The following GPATCH2L variants were observed in gnomAD, a reference collection of about 807,000 sequenced individuals.
GPATCH2L encodes G patch domain-containing protein 2-like.
A neutral mutation model predicts 57.4 loss-of-function variants in GPATCH2L; 31 were observed. The ratio of observed to expected loss-of-function variants is 0.54; its 90% CI spans 0.41 to 0.73. The LOEUF is 0.73. Ranked by LOEUF, GPATCH2L falls within the 30% of genes least tolerant of loss-of-function variation. The pLI, the probability that GPATCH2L is intolerant of heterozygous loss-of-function variation, is 0.00. For missense variants in GPATCH2L, 481 were observed against 599.9 expected (o/e 0.80, Z 2.07); for synonymous variants, 199 against 210.7 (o/e 0.94, Z 0.48).
intron 5 of GPATCH2L, chr14:76,173,837 C>CAA: frequency 2.0e-5 from 8 of 410,216 alleles, no homozygotes; most frequent in South Asian, 5.7e-5. Context: ...GAAGTACTGA[C>CAA]AAAAAAAAAA....
intron 2 of GPATCH2L, among the ~76,000 whole-genome samples, chr14:76,156,235 C>G (rs1245549000): frequency 6.6e-6 from 1 of 152,156 alleles, no homozygotes; most frequent in East Asian, 1.9e-4. Context: ...ATTTAACTTT[C>G]CCAACTGTAG....
chr14:76,168,887 G>C (rs1450666356), intron 3 of GPATCH2L, among the ~76,000 whole-genome samples: 1 of 152,202 alleles, frequency 6.6e-6, no homozygotes, highest in African/African-American at 2.4e-5. Context: ...CTTTTCTGTT[G>C]GATTGCTGGT....
In GPATCH2L at chr14:76,154,514, T is replaced by C. The variant is rs776580028; in HGVS notation, c.151T>C (p.Phe51Leu). 7 of 1,614,164 alleles carry C rather than the reference T, an allele frequency of 4.3e-6. No homozygotes were observed. In the South Asian group the frequency reaches 5.5e-5, roughly 13 times the overall value. The part of the protein sequence containing the change: ...KRRGRKRRSD[F>L]THLAEHTCCY... ...CCGAGGTCGGAAGCGTCGTTCTGAC[T>C]TCACTCACCTGGCAGAGCATACCTG... The change falls in exon 2 of 10, where the codon TTC becomes CTC. Residue 51 changes from phenylalanine (F) to leucine (L), a missense_variant. This residue lies in a region of GPATCH2L where 208 missense variants were observed against 272.4 expected (regional missense o/e 0.76). Transcript: ENST00000261530. The surrounding 1 kb of genome is among the most constrained non-coding windows in gnomAD (Gnocchi z 4.4).
At chr14:76,162,864 G>T (rs2038660526) in intron 2 of GPATCH2L, among the ~76,000 whole-genome samples, 1 of 152,142 alleles carries the variant, frequency 6.6e-6, no homozygotes, top group Non-Finnish European at 1.5e-5. Context: ...TTTTCTTAGG[G>T]TTCAGCATAT....
intron 2 of GPATCH2L, among the ~76,000 whole-genome samples, chr14:76,232,084 G>T (rs912388165): frequency 2.6e-4 from 3 of 11,378 alleles, no homozygotes; most frequent in African/African-American, 4.6e-4. Context: ...GCTAATTTTT[G>T]TATTTTTTGT....
chr14:76,173,122 C>T (rs866976382), intron 4 of GPATCH2L, among the ~76,000 whole-genome samples: 7 of 152,108 alleles, frequency 4.6e-5, no homozygotes, highest in South Asian at 2.1e-4. Context: ...ATTGGGTTAT[C>T]CGACACGTGC....
At chr14:76,191,293 G>C (rs2039953802) in intron 8 of GPATCH2L, among the ~76,000 whole-genome samples, 1 of 152,068 alleles carries the variant, frequency 6.6e-6, no homozygotes, top group South Asian at 2.1e-4. Context: ...AATGGGGTTG[G>C]GGAAGTGGTC....
At chr14:76,160,066 G>A (rs1045663231) in intron 2 of GPATCH2L, among the ~76,000 whole-genome samples, 1 of 151,290 alleles carries the variant, frequency 6.6e-6, no homozygotes, top group Non-Finnish European at 1.5e-5. Flanking sequence ...CCCGGGAGGC[G>A]GAGCTTGCAG....
At chr14:76,161,003 G>C (rs935356640) in intron 2 of GPATCH2L, among the ~76,000 whole-genome samples, 6 of 152,116 alleles carry the variant, frequency 3.9e-5, no homozygotes, top group African/African-American at 1.4e-4. Flanking sequence ...GAATGAAACT[G>C]AAAAAGAAAT....
In GPATCH2L at chr14:76,211,388, T is replaced by A. The variant is rs2040439077; in HGVS notation, c.*9537T>A. ...CAGATTTGCATTGCCTTGATCACCTTCCGTGGGAAATATAGCTAGGCCCAC... is the reference window on the plus strand; with the variant it reads ...CAGATTTGCATTGCCTTGATCACCTACCGTGGGAAATATAGCTAGGCCCAC... On this transcript the variant is annotated 3_prime_UTR_variant, in exon 10 of 10. Transcript: ENST00000261530. 1 of 152,192 alleles carries A rather than the reference T, an allele frequency of 6.6e-6. No individual in the cohort carries two copies. Among genetic ancestry groups the A allele is most frequent in the Admixed American group, 6.5e-5 (1 of 15,272 alleles). 9.4% of individuals were successfully genotyped at this position (152,192 alleles called of 1,614,324 possible).
At chr14:76,228,068 G>A (rs1442918769) in intron 1 of GPATCH2L, among the ~76,000 whole-genome samples, 3 of 152,196 alleles carry the variant, frequency 2.0e-5, no homozygotes, top group Non-Finnish European at 4.4e-5. Context: ...CACAGTTTCC[G>A]GATCTGTGTG....
At chr14:76,170,341 TG>T (rs906030889) in intron 3 of GPATCH2L, among the ~76,000 whole-genome samples, 22 of 152,216 alleles carry the variant, frequency 1.4e-4, no homozygotes, top group Non-Finnish European at 4.4e-5. Context: ...CCTTCAATTT[TG>T]CTATTTTGCA....
intron 2 of GPATCH2L, among the ~76,000 whole-genome samples, chr14:76,159,995 G>C (rs910890631): frequency 6.6e-6 from 1 of 152,098 alleles, no homozygotes. Context: ...TAGCCTTGGC[G>C]TGGTGGTGGA....
intron 9 of GPATCH2L, among the ~76,000 whole-genome samples, chr14:76,200,987 C>T (rs1163291278): frequency 6.6e-6 from 1 of 152,244 alleles, no homozygotes; most frequent in South Asian, 2.1e-4. Context: ...GGGAGTGTTC[C>T]TGGCATTCAG....
chr14:76,159,755 A>G (rs915428695), intron 2 of GPATCH2L, among the ~76,000 whole-genome samples: 1 of 152,234 alleles, frequency 6.6e-6, no homozygotes, highest in South Asian at 2.1e-4. Context: ...ACTGCTTCCT[A>G]CCCTCAAACA....
chr14:76,188,353 C>T (rs2039848348), intron 8 of GPATCH2L, among the ~76,000 whole-genome samples: 1 of 152,078 alleles, frequency 6.6e-6, no homozygotes, highest in Non-Finnish European at 1.5e-5. Flanking sequence ...ACGAAGATTA[C>T]CTTTTCACCA....
At chr14:76,186,011 T>C (rs2039753093) in intron 8 of GPATCH2L, among the ~76,000 whole-genome samples, 2 of 152,172 alleles carry the variant, frequency 1.3e-5, no homozygotes, top group Non-Finnish European at 2.9e-5. Context: ...ATCAATACTT[T>C]TTAAATTGGT....
In GPATCH2L at chr14:76,203,538, A is replaced by C. The variant is rs964763656; in HGVS notation, c.*1687A>C. ...TCTTAGTTGCCTCTGGTTCTCATGCAGCAGTGTGTGTGCTTACAGGAGTGG... is the reference window on the plus strand; with the variant it reads ...TCTTAGTTGCCTCTGGTTCTCATGCCGCAGTGTGTGTGCTTACAGGAGTGG... On this transcript the variant is annotated 3_prime_UTR_variant, in exon 10 of 10. Transcript: ENST00000261530. 2 of 152,648 alleles carry C rather than the reference A, an allele frequency of 1.3e-5. No individual in the cohort carries two copies. The highest frequency in any genetic ancestry group is 4.8e-5 in the African/African-American group (2 of 41,414). 9.5% of individuals were successfully genotyped at this position (152,648 alleles called of 1,614,324 possible).
intron 8 of GPATCH2L, among the ~76,000 whole-genome samples, chr14:76,186,492 G>A (rs1479906070): frequency 6.6e-6 from 1 of 152,122 alleles, no homozygotes; most frequent in Non-Finnish European, 1.5e-5. Flanking sequence ...TCAGGGCTTG[G>A]GGGAAGGAAC....
Sources: gnomAD v4.1 joint callset for allele counts (sites outside exome capture counted in the v4.1 genomes callset) on GRCh38, gnomAD v4.1.1 for gene constraint, gnomAD v4.1.1 regional missense constraint, Gnocchi (gnomAD v3.1) non-coding constraint, MANE v1.5 for transcripts, NCBI Gene and HGNC (gene_info 2026-07-23, HGNC 2026-07-21) for gene names.